REC114: variants seen among roughly 807,000 people sequenced by gnomAD.
The protein encoded by REC114 is meiotic recombination protein REC114.
A neutral mutation model predicts 31.3 loss-of-function variants in REC114; 27 were observed. The ratio of observed to expected loss-of-function variants is 0.86; its 90% CI spans 0.64 to 1.19. REC114 has a LOEUF of 1.19. REC114 is among the 50% of genes most tolerant of loss of function. REC114 has a pLI of 0.00. For missense variants in REC114, 344 were observed against 326.9 expected, an observed-to-expected ratio of 1.05 and a Z score of -0.40; for synonymous variants, 134 against 127.7, an observed-to-expected ratio of 1.05 and a Z score of -0.33.
chr15:73,527,882 CG>C (rs905095734), intron 2 of REC114, among the ~76,000 whole-genome samples: 6 of 151,534 alleles, frequency 4.0e-5, no homozygotes, highest in East Asian at 1.9e-4. Flanking sequence ...GTTATCTATA[CG>C]GGGGGGAAAA....
intron 1 of REC114, among the ~76,000 whole-genome samples, chr15:73,450,793 C>T (rs750100576): frequency 2.7e-5 from 4 of 150,094 alleles, no homozygotes; most frequent in Non-Finnish European, 4.4e-5. Context: ...ATCTCTCAGT[C>T]CACAGTGCAA....
chr15:73,481,074 C>A (rs1893287770), intron 2 of REC114, among the ~76,000 whole-genome samples: 1 of 152,136 alleles, frequency 6.6e-6, no homozygotes. Flanking sequence ...ATCTAAATAT[C>A]ATATATTTAT....
chr15:73,477,545 T>G (rs139259312), intron 2 of REC114, among the ~76,000 whole-genome samples: 1 of 152,072 alleles, frequency 6.6e-6, no homozygotes, highest in Non-Finnish European at 1.5e-5. Flanking sequence ...GCCTCCTGAG[T>G]AGCTGGGACT....
intron 2 of REC114, among the ~76,000 whole-genome samples, chr15:73,514,491 C>T (rs555330712): frequency 6.6e-6 from 1 of 152,220 alleles, no homozygotes; most frequent in East Asian, 1.9e-4. Flanking sequence ...AGTTTCTAAC[C>T]TTTGACCCAA....
chr15:73,544,367 C>T (rs979700012), intron 3 of REC114, among the ~76,000 whole-genome samples: 10 of 151,934 alleles, frequency 6.6e-5, no homozygotes, highest in Admixed American at 2.6e-4. Context: ...AGTATTATGC[C>T]AAAACACTAT....
intron 2 of REC114, among the ~76,000 whole-genome samples, chr15:73,482,848 G>A (rs1229661262): frequency 2.6e-5 from 4 of 151,296 alleles, no homozygotes; most frequent in Non-Finnish European, 5.9e-5. Context: ...ATTTGGATAT[G>A]TACTCATAAG....
At chr15:73,496,152 G>C (rs1893520013) in intron 2 of REC114, among the ~76,000 whole-genome samples, 1 of 151,732 alleles carries the variant, frequency 6.6e-6, no homozygotes, top group Non-Finnish European at 1.5e-5. Flanking sequence ...AAGAGATTGA[G>C]ACCATCCTGG....
At chr15:73,461,343 G>A (rs140223701) in intron 1 of REC114, among the ~76,000 whole-genome samples, 43 of 152,124 alleles carry the variant, frequency 2.8e-4, no homozygotes, top group Non-Finnish European at 5.9e-4. Context: ...TAGCAATTTT[G>A]CACACTTTTC....
intron 3 of REC114, among the ~76,000 whole-genome samples, chr15:73,546,456 A>G (rs899660157): frequency 6.6e-6 from 1 of 152,186 alleles, no homozygotes; most frequent in African/African-American, 2.4e-5. Context: ...AATAACCTAA[A>G]TGTTCATCCA....
intron 2 of REC114, among the ~76,000 whole-genome samples, chr15:73,496,738 T>C (rs1893533808): frequency 6.6e-6 from 1 of 152,000 alleles, no homozygotes; most frequent in African/African-American, 2.4e-5. Context: ...ACATTTAGCA[T>C]AGAATGGTAA....
chr15:73,522,143 C>T (rs1893944940), intron 2 of REC114, among the ~76,000 whole-genome samples: 1 of 152,192 alleles, frequency 6.6e-6, no homozygotes, highest in Admixed American at 6.5e-5. Context: ...AGCCTCCTCT[C>T]CTTCCCTGTC....
intron 2 of REC114, among the ~76,000 whole-genome samples, chr15:73,493,860 T>G (rs756442397): frequency 1.1e-3 from 175 of 152,342 alleles, no homozygotes; most frequent in Middle Eastern, 3.4e-3. Flanking sequence ...TTTCTCCGAT[T>G]ATTATCTGGT....
chr15:73,553,403 G>C (rs1160429739), intron 4 of REC114, among the ~76,000 whole-genome samples: 2 of 152,058 alleles, frequency 1.3e-5, no homozygotes, highest in African/African-American at 2.4e-5. Context: ...CAAATGGGTT[G>C]GTTGTTATAA....
chr15:73,527,442 TC>T (rs1894023259), intron 2 of REC114, among the ~76,000 whole-genome samples: 1 of 152,152 alleles, frequency 6.6e-6, no homozygotes, highest in African/African-American at 2.4e-5. Flanking sequence ...TCTTCTCAAC[TC>T]ACTGGGATTG....
chr15:73,557,492 A>C (rs981824714), intron 5 of REC114, among the ~76,000 whole-genome samples: 1 of 152,032 alleles, frequency 6.6e-6, no homozygotes, highest in African/African-American at 2.4e-5. Flanking sequence ...GGACAATCAT[A>C]TAGAATAAAA....
chr15:73,456,164 C>A (rs1170425280), intron 1 of REC114, among the ~76,000 whole-genome samples: 2 of 152,114 alleles, frequency 1.3e-5, no homozygotes, highest in Non-Finnish European at 2.9e-5. Context: ...GATATAATAA[C>A]AGATTGGTCC....
intron 2 of REC114, among the ~76,000 whole-genome samples, chr15:73,510,012 A>AAATTACCTTGGC (rs1192478797): frequency 3.3e-5 from 5 of 152,066 alleles, no homozygotes; most frequent in African/African-American, 4.8e-5. Context: ...GATGGCATTG[A>AAATTACCTTGGC]ATCTGTAAAT....
At chr15:73,497,566 A>G (rs1199819642) in intron 2 of REC114, among the ~76,000 whole-genome samples, 1 of 152,210 alleles carries the variant, frequency 6.6e-6, no homozygotes, top group Non-Finnish European at 1.5e-5. Context: ...ATTCACCTTT[A>G]GGCAAAATAT....
At chr15:73,556,237 T>C in intron 4 of REC114, 65 bp from the exon 5 acceptor site, 1 of 1,378,084 alleles carries the variant, frequency 7.3e-7, no homozygotes, top group East Asian at 2.3e-5. Flanking sequence ...TTCTGCTCTT[T>C]AATGGCCTTT....
Sources: gnomAD v4.1 joint callset for allele counts (sites outside exome capture counted in the v4.1 genomes callset) on GRCh38, gnomAD v4.1.1 for gene constraint, MANE v1.5 for transcripts, NCBI Gene and HGNC (gene_info 2026-07-23, HGNC 2026-07-21) for gene names.